The following MMP26 variants were observed in gnomAD, a reference collection of about 807,000 sequenced individuals.
The protein encoded by MMP26 is matrix metallopeptidase 26.
In MMP26, 33 loss-of-function variants were observed where a neutral mutation model predicts 31.0. The observed-to-expected ratio is 1.06, with a 90% CI of 0.81 to 1.42. The LOEUF (loss-of-function observed/expected upper bound fraction) is 1.42. MMP26 is among the 40% of genes most tolerant of loss of function. The pLI, the probability that MMP26 is intolerant of heterozygous loss-of-function variation, is 0.00. For missense variants in MMP26, 347 were observed against 316.1 expected (o/e 1.10, Z -0.74); for synonymous variants, 122 against 114.9 (o/e 1.06, Z -0.40).
intron 2 of MMP26, chr11:4,944,375 G>A (rs1418593485): frequency 6.4e-6 from 1 of 157,206 alleles, no homozygotes; most frequent in Non-Finnish European, 1.4e-5. Context: ...AAATAAATAG[G>A]AAAAAACCTT....
At chr11:4,923,894 C>A in intron 2 of MMP26, 1 of 1,614,080 alleles carries the variant, frequency 6.2e-7, no homozygotes, top group South Asian at 1.1e-5. Flanking sequence ...AAGCACTGAG[C>A]TTAGCCCCAT....
At chr11:4,882,951 A>G in intron 2 of MMP26, 2 of 1,297,982 alleles carry the variant, frequency 1.5e-6, no homozygotes, top group Admixed American at 2.3e-5. Context: ...TCTTATCCAC[A>G]GGTGTTTTGG....
At chr11:4,916,234 G>A (rs1851089176) in intron 2 of MMP26, among the ~76,000 whole-genome samples, 1 of 151,654 alleles carries the variant, frequency 6.6e-6, no homozygotes, top group African/African-American at 2.4e-5. Context: ...GCTGTGTTCT[G>A]CCACTGAAGG....
At chr11:4,722,942 G>A in intron 1 of MMP26, 1 of 786,120 alleles carries the variant, frequency 1.3e-6, no homozygotes, top group South Asian at 1.3e-5. Context: ...GACACTGGTG[G>A]TCTTTGTATG....
chr11:4,822,376 C>A, intron 2 of MMP26: 6 of 1,461,632 alleles, frequency 4.1e-6, no homozygotes, highest in Middle Eastern at 1.8e-4. Flanking sequence ...ATCTAATCAT[C>A]AGCTATTTCT....
At chr11:4,742,321 G>A (rs772293202) in intron 1 of MMP26, among the ~76,000 whole-genome samples, 13 of 152,134 alleles carry the variant, frequency 8.5e-5, no homozygotes, top group Non-Finnish European at 1.5e-4. Context: ...GGAATGCTAC[G>A]ACAGCACATA....
chr11:4,789,926 T>A (rs1452760679), intron 2 of MMP26, among the ~76,000 whole-genome samples: 5 of 152,100 alleles, frequency 3.3e-5, no homozygotes, highest in Non-Finnish European at 5.9e-5. Context: ...AGATGAAGGT[T>A]TAAAATAACA....
At chr11:4,713,143 G>T (rs545964180) in intron 1 of MMP26, among the ~76,000 whole-genome samples, 6 of 152,050 alleles carry the variant, frequency 3.9e-5, no homozygotes, top group African/African-American at 1.4e-4. Flanking sequence ...GCAGAAAACT[G>T]CAATATATTA....
intron 2 of MMP26, among the ~76,000 whole-genome samples, chr11:4,957,888 C>T (rs1279891886): frequency 1.3e-5 from 2 of 152,004 alleles, no homozygotes; most frequent in Non-Finnish European, 2.9e-5. Flanking sequence ...CCATGTTGGC[C>T]AGGCAGGTCT....
At chr11:4,991,847 TA>T in intron 6 of MMP26, 116 bp from the exon 7 acceptor site, 1 of 970,612 alleles carries the variant, frequency 1.0e-6, no homozygotes, top group Non-Finnish European at 1.5e-6. Flanking sequence ...CTTTACCCTG[TA>T]ACATTTGCCC....
At chr11:4,848,154 C>T (rs185595567) in intron 2 of MMP26, 1 of 1,411,080 alleles carries the variant, frequency 7.1e-7, no homozygotes, top group East Asian at 2.3e-5. Flanking sequence ...CGTGAATGAT[C>T]ATTTCATGCT....
At chr11:4,916,754 C>G (rs1386172669) in intron 2 of MMP26, among the ~76,000 whole-genome samples, 3 of 152,142 alleles carry the variant, frequency 2.0e-5, no homozygotes, top group African/African-American at 7.2e-5. Flanking sequence ...AGTAAGACAT[C>G]AAAGCCCTGA....
chr11:4,884,430 G>A (rs1850521372), intron 2 of MMP26, among the ~76,000 whole-genome samples: 1 of 151,932 alleles, frequency 6.6e-6, no homozygotes. Context: ...TGTCTCTTTG[G>A]TTCTGTCCTC....
At chr11:4,755,545 TA>T (rs879713151) in intron 1 of MMP26, among the ~76,000 whole-genome samples, 17 of 152,060 alleles carry the variant, frequency 1.1e-4, no homozygotes, top group Admixed American at 1.1e-3. Context: ...AATAATGGTA[TA>T]GGGGTGGCAC....
chr11:4,947,127 A>C, intron 2 of MMP26: 1 of 1,186,472 alleles, frequency 8.4e-7, no homozygotes, highest in Non-Finnish European at 1.2e-6. Flanking sequence ...TCTGCTATGA[A>C]AAATACAGAT....
intron 2 of MMP26, chr11:4,882,528 G>A (rs1850487467): frequency 6.2e-7 from 1 of 1,613,808 alleles, no homozygotes; most frequent in Non-Finnish European, 8.5e-7. Flanking sequence ...TACCTGAATG[G>A]CACTGACGTA....
intron 2 of MMP26, among the ~76,000 whole-genome samples, chr11:4,911,759 A>T (rs1288434759): frequency 6.6e-6 from 1 of 152,048 alleles, no homozygotes; most frequent in Non-Finnish European, 1.5e-5. Flanking sequence ...TCAACCCATT[A>T]CCCCACTATG....
At chr11:4,804,342 C>T in intron 2 of MMP26, 1 of 1,614,120 alleles carries the variant, frequency 6.2e-7, no homozygotes, top group Non-Finnish European at 8.5e-7. Context: ...GGATGAAGGA[C>T]ACAGGATGAG....
At chr11:4,718,246 T>C (rs1303848790) in intron 1 of MMP26, among the ~76,000 whole-genome samples, 1 of 152,252 alleles carries the variant, frequency 6.6e-6, no homozygotes, top group African/African-American at 2.4e-5. Context: ...CTGCATATAT[T>C]ACTCTTTGTC....
Sources: allele counts gnomAD v4.1 joint callset (sites outside exome capture counted in the v4.1 genomes callset), GRCh38; gene constraint gnomAD v4.1.1; transcripts MANE v1.5; gene names NCBI Gene and HGNC (gene_info 2026-07-23, HGNC 2026-07-21).